Variants in ARSB observed in about 807,000 individuals in gnomAD.
ARSB encodes N-acetylgalactosamine-4-sulfatase.
In ARSB, 41 loss-of-function variants were observed where a neutral mutation model predicts 50.9. The ratio of observed to expected loss-of-function variants is 0.81; its 90% confidence interval spans 0.63 to 1.04. The LOEUF (loss-of-function observed/expected upper bound fraction) is 1.04. Ranked by LOEUF, ARSB falls within the 50% of genes least tolerant of loss-of-function variation. The probability of loss-of-function intolerance (pLI) is 0.00; values close to 1 mark genes in which losing one functional copy is unlikely to be tolerated. For synonymous variants in ARSB, 269 were observed against 284.8 expected (o/e 0.94, Z 0.56); for missense variants, 672 against 693.3 (o/e 0.97, Z 0.35).
intron 6 of ARSB, among the ~76,000 whole-genome samples, chr5:78,810,334 C>T (rs567851734): frequency 4.6e-5 from 7 of 152,272 alleles, no homozygotes; most frequent in Middle Eastern, 3.4e-3. Context: ...CCAGAGAGAA[C>T]TGAGTTGTGA....
In ARSB at chr5:78,952,252, A is replaced by T. The variant is rs1167285331; in HGVS notation, c.898+3043T>A. Among the ~76,000 whole-genome samples, 3 of 152,198 alleles carry T rather than the reference A, an allele frequency of 2.0e-5. No homozygotes were observed. The East Asian group carries it at 5.8e-4, about 29-fold the overall frequency. On this transcript the variant is annotated intron_variant, in intron 4 of 7. Coordinates refer to ENST00000264914, the MANE Select transcript of ARSB (RefSeq NM_000046.5). Reference sequence around the variant, plus strand: ...CACATTTGCAATCATATAATAAAGGAAATATTTATCTTAAAATATTTTTCC... The same window carrying T: ...CACATTTGCAATCATATAATAAAGGTAATATTTATCTTAAAATATTTTTCC...
chr5:78,858,553 A>G (rs1203500773), intron 5 of ARSB, among the ~76,000 whole-genome samples: 1 of 152,140 alleles, frequency 6.6e-6, no homozygotes, highest in Non-Finnish European at 1.5e-5. Context: ...GCAACAAAAC[A>G]TTTCCCATAA....
chr5:78,890,091 G>A (rs1748217635), intron 4 of ARSB, among the ~76,000 whole-genome samples: 1 of 151,858 alleles, frequency 6.6e-6, no homozygotes, highest in South Asian at 2.1e-4. Flanking sequence ...TTGATTCTTT[G>A]GATTTTTTTT....
At chr5:78,783,395 T>A (rs1191739731) in intron 6 of ARSB, 1 of 152,142 alleles carries the variant, frequency 6.6e-6, no homozygotes, top group Admixed American at 6.5e-5. Flanking sequence ...GCCATTCTTT[T>A]GACAGTCTTT....
chr5:78,980,742 G>GTC (rs1752867865), intron 1 of ARSB, among the ~76,000 whole-genome samples: 2 of 146,222 alleles, frequency 1.4e-5, no homozygotes, highest in Admixed American at 7.2e-5. Context: ...GTATGTGTGT[G>GTC]TGTGTGTGTG....
At chr5:78,985,931 G>A (rs1428330345), upstream of ARSB, 2 of 152,292 alleles carry the variant, frequency 1.3e-5, no homozygotes, top group African/African-American at 4.8e-5. Context: ...TGGAAGGTGC[G>A]GTTACTTTCA....
chr5:78,851,659 G>T (rs1318176172), intron 5 of ARSB, among the ~76,000 whole-genome samples: 1 of 152,132 alleles, frequency 6.6e-6, no homozygotes, highest in Non-Finnish European at 1.5e-5. Flanking sequence ...TGATAGTGGG[G>T]TGTTAAAGTC....
intron 4 of ARSB, among the ~76,000 whole-genome samples, chr5:78,899,507 T>A (rs898476590): frequency 6.6e-5 from 10 of 152,316 alleles, no homozygotes; most frequent in African/African-American, 2.4e-4. Flanking sequence ...CTTTGTTACA[T>A]TTTATTCTTA....
intron 5 of ARSB, among the ~76,000 whole-genome samples, chr5:78,844,940 T>A (rs1405087001): frequency 6.6e-6 from 1 of 152,148 alleles, no homozygotes; most frequent in Non-Finnish European, 1.5e-5. Context: ...TTGTTGTTAA[T>A]GATAGTCACC....
intron 6 of ARSB, among the ~76,000 whole-genome samples, chr5:78,812,979 AGACC>A (rs1368139188): frequency 9.2e-5 from 14 of 152,210 alleles, no homozygotes; most frequent in Non-Finnish European, 1.5e-5. Flanking sequence ...CAACACAGTG[AGACC>A]CTGTCTCAAA....
intron 5 of ARSB, among the ~76,000 whole-genome samples, chr5:78,875,064 G>A (rs1197796987): frequency 6.6e-6 from 1 of 152,204 alleles, no homozygotes; most frequent in Non-Finnish European, 1.5e-5. Flanking sequence ...AGTGAGCTAT[G>A]ATTGCACCAC....
At chr5:78,891,522 C>G (rs1748293822) in intron 4 of ARSB, among the ~76,000 whole-genome samples, 1 of 152,116 alleles carries the variant, frequency 6.6e-6, no homozygotes, top group East Asian at 1.9e-4. Context: ...GGAAAAAGGG[C>G]AGCAAACAGG....
chr5:78,811,955 A>G (rs964234371), intron 6 of ARSB, among the ~76,000 whole-genome samples: 2 of 152,112 alleles, frequency 1.3e-5, no homozygotes, highest in Admixed American at 6.5e-5. Context: ...TTTTTGGCCA[A>G]CTGAACTAAT....
chr5:78,944,513 G>A (rs1329923875), intron 4 of ARSB, among the ~76,000 whole-genome samples: 1 of 152,216 alleles, frequency 6.6e-6, no homozygotes, highest in Non-Finnish European at 1.5e-5. Flanking sequence ...ACCGTCAGCT[G>A]CAGGTCTGTT....
At chr5:78,970,036 G>A (rs1461232071) in intron 1 of ARSB, among the ~76,000 whole-genome samples, 4 of 152,204 alleles carry the variant, frequency 2.6e-5, no homozygotes, top group African/African-American at 9.6e-5. Context: ...TCTGACTGCT[G>A]CTTGGGAGTG....
intron 6 of ARSB, among the ~76,000 whole-genome samples, chr5:78,836,022 C>T (rs1744941620): frequency 6.6e-6 from 1 of 152,216 alleles, no homozygotes; most frequent in Non-Finnish European, 1.5e-5. Context: ...CCTCTGTGCT[C>T]TATGAATATG....
At chr5:78,900,233 T>A (rs985434019) in intron 4 of ARSB, among the ~76,000 whole-genome samples, 1 of 152,172 alleles carries the variant, frequency 6.6e-6, no homozygotes, top group Non-Finnish European at 1.5e-5. Flanking sequence ...ATAGCCACTC[T>A]GATTTGGTGT....
chr5:78,941,567 T>C (rs1228435929), intron 4 of ARSB, among the ~76,000 whole-genome samples: 2 of 152,274 alleles, frequency 1.3e-5, no homozygotes, highest in East Asian at 1.9e-4. Flanking sequence ...TGGTTCTCTT[T>C]ATATGCTGGA....
At chr5:78,796,254 A>G (rs749632909) in intron 6 of ARSB, among the ~76,000 whole-genome samples, 1 of 152,274 alleles carries the variant, frequency 6.6e-6, no homozygotes, top group African/African-American at 2.4e-5. Context: ...GTTGATCACT[A>G]TATGTGTTAG....
Sources: allele counts gnomAD v4.1 joint callset (sites outside exome capture counted in the v4.1 genomes callset), GRCh38; gene constraint gnomAD v4.1.1; transcripts MANE v1.5; gene names NCBI Gene and HGNC (gene_info 2026-07-23, HGNC 2026-07-21).